Variants in EYS observed in about 807,000 individuals in gnomAD.
EYS encodes protein eyes shut homolog.
In EYS, 250 loss-of-function variants were observed where a neutral mutation model predicts 282.1. The ratio of observed to expected loss-of-function variants is 0.89; its 90% confidence interval spans 0.80 to 0.98. The LOEUF (loss-of-function observed/expected upper bound fraction) is 0.98. EYS is among the 50% of genes least tolerant of loss of function. The pLI, the probability that EYS is intolerant of heterozygous loss-of-function variation, is 0.00. For missense variants in EYS, 4,016 were observed against 3,709.0 expected (o/e 1.08, Z -2.15); for synonymous variants, 1,355 against 1,282.9 (o/e 1.06, Z -1.20).
chr6:63,942,373 T>C (rs549681489), intron 35 of EYS, among the ~76,000 whole-genome samples: 255 of 152,256 alleles, frequency 1.7e-3, no homozygotes, highest in South Asian at 6.6e-3. Context: ...ATTATGGATA[T>C]GGCAAAAAAG....
intron 33 of EYS, among the ~76,000 whole-genome samples, chr6:64,051,225 A>T (rs1770798856): frequency 6.6e-6 from 1 of 152,178 alleles, no homozygotes; most frequent in South Asian, 2.1e-4. Context: ...GCACTACATT[A>T]AGTGCTGTGG....
rs148344678 is a variant in EYS, at chr6:64,051,261, C to T, written c.6725+15077G>A. ...AGAAATAGTGATTAAAAACATTAGT[C>T]CTGCTTGCATAGAGTTTATATTTCA... On this transcript the variant is annotated intron_variant, in intron 33 of 42. Transcript: ENST00000503581. 4.7e-3 allele frequency among the ~76,000 whole-genome samples: 720 copies of T among 152,204 alleles called. 2 individuals carry two copies. Among genetic ancestry groups the T allele is most frequent in the Non-Finnish European group, 7.0e-3 (479 of 67,992 alleles).
intron 22 of EYS, among the ~76,000 whole-genome samples, chr6:64,761,913 G>C (rs1173322118): frequency 6.6e-6 from 1 of 152,138 alleles, no homozygotes; most frequent in African/African-American, 2.4e-5. Flanking sequence ...GGGAGAAAAG[G>C]AGAAATATTG....
chr6:65,271,130 A>ATATATATATATATATATATG (rs1767889784), intron 12 of EYS, among the ~76,000 whole-genome samples: 8 of 100,682 alleles, frequency 7.9e-5, no homozygotes, highest in Admixed American at 7.5e-4. Flanking sequence ...TCAATAGATT[A>ATATATATATATATATATATG]TATATATATA....
chr6:64,900,349 A>C (rs1364492598), intron 18 of EYS, among the ~76,000 whole-genome samples: 1 of 152,220 alleles, frequency 6.6e-6, no homozygotes, highest in Admixed American at 6.5e-5. Flanking sequence ...AAACACCAAA[A>C]GCAATGGCAA....
At chr6:63,727,737 A>AAAAAAAATATATATATATATAT (rs1554164607) in intron 41 of EYS, among the ~76,000 whole-genome samples, 2 of 36,728 alleles carry the variant, frequency 5.4e-5, no homozygotes, top group African/African-American at 5.3e-4. Context: ...AAAAAAAAAA[A>AAAAAAAATATATATATATATAT]ATATATATAT....
At chr6:63,826,171 G>C (rs938651449) in intron 36 of EYS, among the ~76,000 whole-genome samples, 1 of 151,998 alleles carries the variant, frequency 6.6e-6, no homozygotes. Flanking sequence ...CAAGGTCTTT[G>C]GATTAATCCA....
chr6:64,530,599 G>GA (rs1764296463), intron 26 of EYS, among the ~76,000 whole-genome samples: 1 of 151,950 alleles, frequency 6.6e-6, no homozygotes. Flanking sequence ...ATTTTTCTAA[G>GA]TTAAAAAGCA....
chr6:63,962,065 T>G (rs549554468), intron 35 of EYS, among the ~76,000 whole-genome samples: 4 of 152,084 alleles, frequency 2.6e-5, no homozygotes, highest in African/African-American at 7.2e-5. Flanking sequence ...TATGTAGAAA[T>G]CTGAAACTGG....
intron 14 of EYS, among the ~76,000 whole-genome samples, chr6:64,990,974 A>G (rs2144714): frequency 0.44 from 66,308 of 151,208 alleles, 16,743 homozygotes; most frequent in East Asian, 0.59. Context: ...GGGAAGAAAT[A>G]AGGTTGCTTC....
chr6:64,730,932 A>G (rs1476716767), intron 22 of EYS: 3 of 152,174 alleles, frequency 2.0e-5, no homozygotes, highest in Non-Finnish European at 4.4e-5. Context: ...AGGCAATTCA[A>G]TGTCTAGGAT....
intron 18 of EYS, among the ~76,000 whole-genome samples, chr6:64,900,578 A>G (rs1009749483): frequency 1.3e-5 from 2 of 152,214 alleles, no homozygotes; most frequent in Non-Finnish European, 2.9e-5. Flanking sequence ...AAGGATATGA[A>G]CACACACTTT....
chr6:64,351,663 A>C (rs1439248392), intron 29 of EYS, among the ~76,000 whole-genome samples: 2 of 151,574 alleles, frequency 1.3e-5, no homozygotes, highest in Non-Finnish European at 3.0e-5. Flanking sequence ...AGTGGACTAC[A>C]AGGTCATTTA....
intron 12 of EYS, among the ~76,000 whole-genome samples, chr6:65,286,059 T>TA (rs1768353045): frequency 6.6e-6 from 1 of 151,826 alleles, no homozygotes; most frequent in Non-Finnish European, 1.5e-5. Flanking sequence ...TACTATGCCT[T>TA]AAAAAATCTA....
chr6:65,681,296 G>A (rs143424996), intron 1 of EYS, among the ~76,000 whole-genome samples: 58 of 152,076 alleles, frequency 3.8e-4, no homozygotes, highest in African/African-American at 1.4e-3. Context: ...GGGGCTAACA[G>A]CTATCAGCCA....
chr6:65,603,966 T>A (rs1287721887), intron 2 of EYS, among the ~76,000 whole-genome samples: 2 of 151,988 alleles, frequency 1.3e-5, no homozygotes, highest in Non-Finnish European at 2.9e-5. Flanking sequence ...GTTTTAGATT[T>A]TTTTCCTTGA....
chr6:63,854,930 CA>C (rs1382310147), intron 36 of EYS, among the ~76,000 whole-genome samples: 11 of 152,024 alleles, frequency 7.2e-5, no homozygotes, highest in Admixed American at 7.2e-4. Flanking sequence ...ATGAAACCCA[CA>C]AAAAATAGAA....
intron 22 of EYS, among the ~76,000 whole-genome samples, chr6:64,720,441 T>A (rs982914505): frequency 6.6e-6 from 1 of 152,212 alleles, no homozygotes; most frequent in African/African-American, 2.4e-5. Flanking sequence ...GTTCTTGGTA[T>A]TAGGATTTAG....
intron 41 of EYS, among the ~76,000 whole-genome samples, chr6:63,760,819 C>A (rs1212256739): frequency 1.3e-5 from 2 of 151,900 alleles, no homozygotes; most frequent in Non-Finnish European, 2.9e-5. Context: ...CTTTCACTGT[C>A]TGAGCCTTTA....
Sources: gnomAD v4.1 joint callset for allele counts (sites outside exome capture counted in the v4.1 genomes callset) on GRCh38, gnomAD v4.1.1 for gene constraint, MANE v1.5 for transcripts, NCBI Gene and HGNC (gene_info 2026-07-23, HGNC 2026-07-21) for gene names.